USP2: variants seen among roughly 807,000 people sequenced by gnomAD.
USP2 encodes the protein ubiquitin specific peptidase 2.
In USP2, 33 loss-of-function variants were observed where a neutral mutation model predicts 72.0. That is an observed-to-expected ratio of 0.46 (90% confidence interval 0.35 to 0.61). USP2 has a LOEUF of 0.61. Ranked by LOEUF, USP2 falls within the 20% of genes least tolerant of loss-of-function variation. The probability of loss-of-function intolerance (pLI) is 0.01; values close to 1 mark genes in which losing one functional copy is unlikely to be tolerated. For missense variants in USP2, 691 were observed against 797.8 expected (o/e 0.87, Z 1.61); for synonymous variants, 296 against 312.5 (o/e 0.95, Z 0.56).
intron 1 of USP2, chr11:119,378,911 T>C (rs989276318): frequency 6.5e-6 from 6 of 920,940 alleles, no homozygotes; most frequent in Non-Finnish European, 7.8e-6. Flanking sequence ...CCGGGCCCAA[T>C]GGGGTGGCCT....
In USP2 at chr11:119,363,754, G is replaced by A. The variant is rs558995786; in HGVS notation, c.775-3520C>T. The A allele has an allele frequency of 9.3e-6, 9 of 966,472 alleles. No homozygotes were observed. The African/African-American group carries it at 1.2e-4, about 13-fold the overall frequency. 59.9% of individuals were successfully genotyped at this position (966,472 alleles called of 1,614,324 possible). ...GAGGGGTGGGGGCTGGGAAGAATCCGTCCCCTCACCTAGGGGCGCGTGGCG... is the reference window on the plus strand; with the variant it reads ...GAGGGGTGGGGGCTGGGAAGAATCCATCCCCTCACCTAGGGGCGCGTGGCG... On this transcript the variant is annotated intron_variant, in intron 2 of 12. Coordinates refer to ENST00000260187, the MANE Select transcript of USP2 (RefSeq NM_004205.5).
chr11:119,357,144 G>A, intron 12 of USP2, 43 bp downstream of exon 12: 1 of 1,607,280 alleles, frequency 6.2e-7, no homozygotes, highest in Non-Finnish European at 8.5e-7. Flanking sequence ...GGGGGAGAGT[G>A]GGTGGCTACA....
chr11:119,360,486 C>G (rs890854676), intron 2 of USP2: 6 of 534,362 alleles, frequency 1.1e-5, no homozygotes, highest in African/African-American at 7.7e-5. Context: ...TGCAGTGGTA[C>G]GATCTTAGCT....
chr11:119,363,770 G>T, intron 2 of USP2: 1 of 1,149,446 alleles, frequency 8.7e-7, no homozygotes, highest in Non-Finnish European at 1.2e-6. Flanking sequence ...TCACCTAGGG[G>T]CGCGTGGCGG....
chr11:119,358,057 C>A lies in USP2; in HGVS notation c.1346G>T (p.Gly449Val), dbSNP rs1487335342. 1 of 1,614,146 alleles carries A rather than the reference C, an allele frequency of 6.2e-7. No individual in the cohort carries two copies. Among genetic ancestry groups the A allele is most frequent in the Admixed American group, 1.7e-5 (1 of 60,022 alleles). The change falls in exon 9 of 13, where the codon GGT (glycine) becomes GTT (valine). Residue 449 changes from glycine (G) to valine (V), a missense_variant. Physicochemically the swap from Gly to Val is moderately radical, Grantham distance 109. Transcript: ENST00000260187. Reference protein sequence around the residue: ...WDLSLPIAKRGYPEVTLMDCM... With the variant: ...WDLSLPIAKRVYPEVTLMDCM... Reference sequence around the variant, plus strand: ...GTCCATTAATGTCACCTCAGGATAACCTCGCTGGGAAGGGGAAAAAAGCAA... The same window carrying A: ...GTCCATTAATGTCACCTCAGGATAAACTCGCTGGGAAGGGGAAAAAAGCAA...
At chr11:119,373,622 A>T (rs754676450) in intron 1 of USP2, 101 bp from the exon 2 acceptor site, 29 of 1,165,564 alleles carry the variant, frequency 2.5e-5, no homozygotes, top group Non-Finnish European at 3.3e-5. Flanking sequence ...CAGAGCTCCC[A>T]GTCCATTTCC....
chr11:119,374,493 T>C (rs1040782560), intron 1 of USP2, among the ~76,000 whole-genome samples: 1 of 152,194 alleles, frequency 6.6e-6, no homozygotes, highest in Non-Finnish European at 1.5e-5. Flanking sequence ...CTATCTGTTA[T>C]ACAGATGGGA....
At chr11:119,357,671 T>C (rs1950689758) in intron 10 of USP2, 81 bp from the exon 11 acceptor site, 2 of 1,613,480 alleles carry the variant, frequency 1.2e-6, no homozygotes, top group Admixed American at 1.7e-5. Context: ...GGTCCGTTTC[T>C]TCCGACTGTT....
At chr11:119,369,945 G>A (rs1950905170) in intron 2 of USP2, among the ~76,000 whole-genome samples, 1 of 152,120 alleles carries the variant, frequency 6.6e-6, no homozygotes, top group Non-Finnish European at 1.5e-5. Flanking sequence ...TTGGGAGGCC[G>A]AGGCGGGTGG....
At chr11:119,361,699 C>G (rs981434458) in intron 2 of USP2, among the ~76,000 whole-genome samples, 2 of 152,066 alleles carry the variant, frequency 1.3e-5, no homozygotes, top group East Asian at 3.8e-4. Context: ...AAGAGGATCC[C>G]TTCTTGGCCA....
chr11:119,378,943 A>G (rs1358462124), intron 1 of USP2: 35 of 981,234 alleles, frequency 3.6e-5, no homozygotes, highest in Non-Finnish European at 4.0e-5. Flanking sequence ...TCCCAGATTC[A>G]CTGATGTCTT....
At chr11:119,363,135 C>G (rs540583754) in intron 2 of USP2, among the ~76,000 whole-genome samples, 63 of 152,362 alleles carry the variant, frequency 4.1e-4, no homozygotes, top group African/African-American at 1.2e-3. Context: ...TGGTGTGGCC[C>G]TGGCACGGGG....
chr11:119,363,507 G>C (rs1194910416), intron 2 of USP2, among the ~76,000 whole-genome samples: 1 of 152,236 alleles, frequency 6.6e-6, no homozygotes, highest in African/African-American at 2.4e-5. Flanking sequence ...CCAGCGTGCT[G>C]CCCTCGCACA....
intron 11 of USP2, 28 bp from the exon 12 acceptor site, chr11:119,357,335 C>T (rs757608250): frequency 1.9e-6 from 3 of 1,612,762 alleles, no homozygotes; most frequent in Admixed American, 1.7e-5. Flanking sequence ...GTCAAGCCCC[C>T]GAGGCCCCCC....
At chr11:119,357,073 C>A in intron 12 of USP2, 114 bp downstream of exon 12, 3 of 1,301,216 alleles carry the variant, frequency 2.3e-6, no homozygotes, top group South Asian at 1.4e-5. Flanking sequence ...GCCATCCATT[C>A]TCGGTGTAAG....
intron 3 of USP2, 134 bp downstream of exon 3, chr11:119,360,050 G>T: frequency 8.9e-7 from 1 of 1,127,162 alleles, no homozygotes; most frequent in Non-Finnish European, 1.3e-6. Context: ...TGAAACACCA[G>T]CCAGGAAGGG....
chr11:119,358,561 C>T, intron 7 of USP2: 1 of 635,194 alleles, frequency 1.6e-6, no homozygotes, highest in South Asian at 2.0e-5. Context: ...GGTGATCTAC[C>T]CGCCTTGGCC....
chr11:119,365,119 T>A (rs1950834123), intron 2 of USP2, among the ~76,000 whole-genome samples: 1 of 152,184 alleles, frequency 6.6e-6, no homozygotes. Flanking sequence ...AGTATCTTGT[T>A]TGGAGCTTGC....
At chr11:119,378,908 C>T in intron 1 of USP2, 1 of 911,636 alleles carries the variant, frequency 1.1e-6, no homozygotes, top group Non-Finnish European at 1.3e-6. Flanking sequence ...CCACCGGGCC[C>T]AATGGGGTGG....
Sources: allele counts gnomAD v4.1 joint callset (sites outside exome capture counted in the v4.1 genomes callset), GRCh38; gene constraint gnomAD v4.1.1; transcripts MANE v1.5; gene names NCBI Gene and HGNC (gene_info 2026-07-23, HGNC 2026-07-21).